RBBP8NL: variants seen among roughly 807,000 people sequenced by gnomAD.
RBBP8NL encodes the protein RBBP8 N-terminal like.
In RBBP8NL, 59 loss-of-function variants were observed where a neutral mutation model predicts 62.2. That is an observed-to-expected ratio of 0.95 (90% confidence interval 0.77 to 1.18). RBBP8NL has a LOEUF of 1.18. Ranked by LOEUF, RBBP8NL falls within the 50% of genes most tolerant of loss-of-function variation. The pLI is 0.00. For synonymous variants in RBBP8NL, 412 were observed against 394.1 expected (o/e 1.05, Z -0.54); for missense variants, 896 against 899.5 (o/e 1.00, Z 0.05).
rs1020748003 is a variant in RBBP8NL, at chr20:62,415,800, G to A, written c.532C>T (p.Leu178=). 1.2e-5 allele frequency: 20 copies of A among 1,612,120 alleles called. No individual in the cohort carries two copies. The highest frequency in any genetic ancestry group is 1.6e-4 in the Middle Eastern group (1 of 6,066). The change falls in exon 7 of 14, where the codon CTA becomes TTA. Residue 178 remains leucine, a synonymous_variant. Coordinates refer to ENST00000252998, the MANE Select transcript of RBBP8NL (RefSeq NM_080833.3). ...GTCCCCACAGCACCTTCTCCCCGTA[G>A]GCCCACGCCCTGGTGGTCTTCCTCA... ...EAEEDHQGVG[L]RGEEKPAGHR... is the part of the protein sequence containing the mutation.
At chr20:62,423,693 G>T (rs1044387659) in intron 1 of RBBP8NL, among the ~76,000 whole-genome samples, 3 of 152,206 alleles carry the variant, frequency 2.0e-5, no homozygotes, top group Non-Finnish European at 4.4e-5. Context: ...AGGCTGGGAC[G>T]GAGCCTCTGC....
In RBBP8NL at chr20:62,418,426, C is replaced by T. The variant is rs1644021901; in HGVS notation, c.101G>A (p.Cys34Tyr). The T allele has an allele frequency of 7.1e-6, 11 of 1,550,392 alleles. No homozygotes were observed. The highest frequency in any genetic ancestry group is 9.6e-6 in the Non-Finnish European group (11 of 1,146,916). ...GGCCCTGCTTGGCCTGACTCACCGG[C>T]ACCTCTCTGAGTTCAGTTCCAGAAG... is the stretch of plus-strand genomic sequence containing the variant. Reference protein sequence around the residue: ...NKLLELNSERCRDAQRIEELF... With the variant: ...NKLLELNSERYRDAQRIEELF... The change falls in exon 3 of 14, where the codon TGC becomes TAC. Residue 34 changes from cysteine (C) to tyrosine (Y), a missense_variant. By Grantham distance (194) the Cys-to-Tyr change is radical. Transcript: ENST00000252998.
rs1988511581 is a variant in RBBP8NL, at chr20:62,414,344, A to T, written c.1007T>A (p.Leu336Gln). ...CGCCAGGGCACTGGGCAGCCCCAGC[A>T]GTTCTGTGGGCTCCTCCCAGGCCTC... is the stretch of plus-strand genomic sequence containing the variant. ...EAEAWEEPTE[L>Q]LGLPSALAGM... The change falls in exon 10 of 14, where the codon CTG becomes CAG. Residue 336 changes from leucine to glutamine, a missense_variant. Leu to Gln is a moderately radical substitution (Grantham distance 113). Transcript: ENST00000252998. 1.3e-6 allele frequency: 2 copies of T among 1,556,186 alleles called. No individual in the cohort carries two copies. Among genetic ancestry groups the T allele is most frequent in the East Asian group, 4.8e-5 (2 of 41,730 alleles).
chr20:62,424,295 TG>T (rs145711661), intron 1 of RBBP8NL, among the ~76,000 whole-genome samples: 19 of 147,438 alleles, frequency 1.3e-4, no homozygotes, highest in African/African-American at 2.3e-4. Context: ...AGCTGGGCCG[TG>T]GGGGGGGCAG....
Position 62,410,688 on chromosome 20 carries a change from C to T in RBBP8NL, c.*190G>A, listed in dbSNP as rs1228019875. Reference sequence around the variant, plus strand: ...GGTTGCCTGCTGGTTGGGTGGTGTGCCCTCTCCAGGCTGTGGTGAGCAGGC... The same window carrying T: ...GGTTGCCTGCTGGTTGGGTGGTGTGTCCTCTCCAGGCTGTGGTGAGCAGGC... On this transcript the variant is annotated 3_prime_UTR_variant, in exon 14 of 14. Transcript: ENST00000252998. 4.1e-5 allele frequency: 25 copies of T among 606,498 alleles called. No homozygotes were observed. Among genetic ancestry groups the T allele is most frequent in the Admixed American group, 2.9e-5 (1 of 34,728 alleles). The allele number at this position is 606,498 out of a possible 1,614,324, so 37.6% of individuals were successfully genotyped here. A position where few individuals can be genotyped will look rare whatever the true frequency, so the allele number is the denominator to read the frequency against.
At chr20:62,420,256 A>G (rs1257002909) in intron 1 of RBBP8NL, among the ~76,000 whole-genome samples, 2 of 149,754 alleles carry the variant, frequency 1.3e-5, no homozygotes, top group Non-Finnish European at 3.0e-5. Flanking sequence ...CTGTCACAGC[A>G]CCTCCTTCCC....
In RBBP8NL at chr20:62,414,372, C is replaced by T. The variant is rs1457277370; in HGVS notation, c.979G>A (p.Ala327Thr). ...PRLQDLKARE[A>T]EAWEEPTELL... ...TCTGTGGGCTCCTCCCAGGCCTCTG[C>T]TTCTCTGGCCTTCAGGTCCTGGAGC... is the stretch of plus-strand genomic sequence containing the variant. Residue 327 changes from alanine (A) to threonine (T), a missense_variant, in exon 10 of 14, where the codon GCA (alanine) becomes ACA (threonine). Ala to Thr is a moderately conservative substitution (Grantham distance 58). Coordinates refer to ENST00000252998, the MANE Select transcript of RBBP8NL (RefSeq NM_080833.3). 10 of 1,544,458 alleles carry T rather than the reference C, an allele frequency of 6.5e-6. No homozygotes were observed. Among genetic ancestry groups the T allele is most frequent in the South Asian group, 4.7e-5 (4 of 84,500 alleles).
rs1444832899 is a variant in RBBP8NL at position 62,413,985 on chromosome 20, G to A, written c.1366C>T (p.Pro456Ser). ...GACCCATGCTGGCCGGCCGGCTTGGGAGTGTCCTGGCCCCGGGCCCGGCCC... is the reference window on the plus strand; with the variant it reads ...GACCCATGCTGGCCGGCCGGCTTGGAAGTGTCCTGGCCCCGGGCCCGGCCC... Reference protein sequence around the residue: ...EWGRARGQDTPKPAGQHGSLS... With the variant: ...EWGRARGQDTSKPAGQHGSLS... Residue 456 changes from proline to serine, a missense_variant, in exon 10 of 14, where the codon CCC (proline) becomes TCC (serine). Coordinates refer to ENST00000252998, the MANE Select transcript of RBBP8NL (RefSeq NM_080833.3). 2 of 1,572,128 alleles carry A rather than the reference G, an allele frequency of 1.3e-6. No individual in the cohort carries two copies. The highest frequency in any genetic ancestry group is 3.7e-5 in the Admixed American group (2 of 54,750).
At chr20:62,417,473 A>G (rs879804029) in intron 3 of RBBP8NL, among the ~76,000 whole-genome samples, 154 bp from the exon 4 acceptor site, 18 of 135,544 alleles carry the variant, frequency 1.3e-4, no homozygotes, top group Non-Finnish European at 2.2e-4. Flanking sequence ...AGTCATCTGC[A>G]CGCTCCTCTG....
intron 2 of RBBP8NL, 42 bp from the exon 3 acceptor site, chr20:62,418,507 C>T: frequency 6.6e-7 from 1 of 1,522,572 alleles, no homozygotes; most frequent in Non-Finnish European, 8.9e-7. Context: ...GGCCCAGCTG[C>T]TGCTTCACCT....
intron 1 of RBBP8NL, among the ~76,000 whole-genome samples, chr20:62,420,931 GCACTCATC>G (rs1988683769): frequency 6.6e-6 from 1 of 152,268 alleles, no homozygotes; most frequent in South Asian, 2.1e-4. Context: ...CTGGGCTGGA[GCACTCATC>G]GTCAAACCCT....
In RBBP8NL at chr20:62,410,531, C is replaced by G. The variant is rs1988409782; in HGVS notation, c.*347G>C. 1 of 308,350 alleles carries G rather than the reference C, an allele frequency of 3.2e-6. No homozygotes were observed. Among genetic ancestry groups the G allele is most frequent in the Admixed American group, 4.8e-5 (1 of 20,942 alleles). The allele number at this position is 308,350 out of a possible 1,614,324, so 19.1% of individuals were successfully genotyped here. On this transcript the variant is annotated 3_prime_UTR_variant, in exon 14 of 14. Coordinates refer to ENST00000252998, the MANE Select transcript of RBBP8NL (RefSeq NM_080833.3). ...CCCCACACCCCTCAGGGAGCAGGTG[C>G]TGGGCTGTGGGAGGGGCCGCAGAGC...
Position 62,413,283 on chromosome 20 carries a change from TC to T in RBBP8NL, c.1675+117del, listed in dbSNP as rs1404190571. 8.0e-6 allele frequency: 10 copies of T among 1,252,548 alleles called. No homozygotes were observed. In the East Asian group the frequency reaches 2.8e-4, roughly 35 times the overall value. 77.6% of individuals were successfully genotyped at this position (1,252,548 alleles called of 1,614,324 possible). A position where few individuals can be genotyped will look rare whatever the true frequency, so the allele number is the denominator to read the frequency against. On this transcript the variant is annotated intron_variant, in intron 11 of 13. Coordinates refer to ENST00000252998, the MANE Select transcript of RBBP8NL (RefSeq NM_080833.3). ...TGGAGCCTGGGGTTGCCCCGTCAGA[TC>T]GGCAGGGCAGAGCTGGGCCTGGAGA...
chr20:62,411,055 G>A, intron 13 of RBBP8NL, 59 bp from the exon 14 acceptor site: 2 of 1,162,752 alleles, frequency 1.7e-6, no homozygotes, highest in Non-Finnish European at 2.6e-6. Flanking sequence ...AGGCAACACT[G>A]GCTCTCACCT....
chr20:62,422,766 C>T (rs1221506721), intron 1 of RBBP8NL, among the ~76,000 whole-genome samples: 1 of 152,146 alleles, frequency 6.6e-6, no homozygotes, highest in Non-Finnish European at 1.5e-5. Flanking sequence ...AGTGCCGAGC[C>T]TGGTGGGGCA....
Position 62,416,231 on chromosome 20 carries a change from C to G in RBBP8NL, c.319G>C (p.Glu107Gln). Reference protein sequence around the residue: ...NLQRIFILTNEMNGLKEENET... With the variant: ...NLQRIFILTNQMNGLKEENET... Reference sequence around the variant, plus strand: ...TTCTCTTCCTTCAGCCCGTTCATCTCGTTGGCTGCAAAAGGCACTGATGAG... The same window carrying G: ...TTCTCTTCCTTCAGCCCGTTCATCTGGTTGGCTGCAAAAGGCACTGATGAG... The change falls in exon 6 of 14, where the codon GAG (glutamate) becomes CAG (glutamine). Residue 107 changes from glutamate to glutamine, a missense_variant. By Grantham distance (29) the Glu-to-Gln change is conservative. Coordinates refer to ENST00000252998, the MANE Select transcript of RBBP8NL (RefSeq NM_080833.3). 1 of 1,365,684 alleles carries G rather than the reference C, an allele frequency of 7.3e-7. No individual in the cohort carries two copies. The highest frequency in any genetic ancestry group is 9.7e-7 in the Non-Finnish European group (1 of 1,027,366). 84.6% of individuals were successfully genotyped at this position (1,365,684 alleles called of 1,614,324 possible). A position where few individuals can be genotyped will look rare whatever the true frequency, so the allele number is the denominator to read the frequency against.
chr20:62,417,663 AC>A (rs1410633737), intron 3 of RBBP8NL, among the ~76,000 whole-genome samples: 5 of 55,654 alleles, frequency 9.0e-5, no homozygotes, highest in East Asian at 4.7e-4. Context: ...CCGTCCACGC[AC>A]CCCCCCCAGT....
chr20:62,415,111 AGGCG>A lies in RBBP8NL; in HGVS notation c.794+6_794+9del, dbSNP rs1435039053. ...AGGCTACTCTGGGTGAGGGTGGGGC[AGGCG>A]GGCACCTGTCCAGGGAGAGGCCACG... On this transcript the variant is annotated splice_donor_region_variant and intron_variant, in intron 9 of 13. Transcript: ENST00000252998. 30 of 1,457,446 alleles carry A rather than the reference AGGCG, an allele frequency of 2.1e-5. 1 individual carries two copies. The Middle Eastern group carries it at 5.4e-4, about 26-fold the overall frequency. The allele number at this position is 1,457,446 out of a possible 1,614,324, so 90.3% of individuals were successfully genotyped here.
chr20:62,416,844 T>C lies in RBBP8NL; in HGVS notation c.229A>G (p.Met77Val), dbSNP rs1988579584. The change falls in exon 5 of 14, where the codon ATG (methionine) becomes GTG (valine). Residue 77 changes from methionine to valine, a missense_variant. Transcript: ENST00000252998. ...RLRAGLCDRC[M>V]VTQELARKRQ... ...TTCCTGGCCAGCTCCTGGGTGACCA[T>C]GCAGCGGTCGCACAGGCCGGCCCGC... is the stretch of plus-strand genomic sequence containing the variant. 3 of 1,576,256 alleles carry C rather than the reference T, an allele frequency of 1.9e-6. No individual in the cohort carries two copies. Among genetic ancestry groups the C allele is most frequent in the South Asian group, 2.3e-5 (2 of 86,474 alleles).
Sources: allele counts gnomAD v4.1 joint callset (sites outside exome capture counted in the v4.1 genomes callset), GRCh38; gene constraint gnomAD v4.1.1; transcripts MANE v1.5; gene names NCBI Gene and HGNC (gene_info 2026-07-23, HGNC 2026-07-21).